The following VWC2L variants were observed in gnomAD, a reference collection of about 807,000 sequenced individuals.
The protein encoded by VWC2L is von Willebrand factor C domain containing 2 like.
A neutral mutation model predicts 21.6 loss-of-function variants in VWC2L; 10 were observed. The ratio of observed to expected loss-of-function variants is 0.46; its 90% confidence interval spans 0.29 to 0.78. The LOEUF is 0.78. Among genes scored for constraint, VWC2L ranks in the 30% least tolerant of loss-of-function variants. The probability of loss-of-function intolerance (pLI) is 0.10; values close to 1 mark genes in which losing one functional copy is unlikely to be tolerated. For synonymous variants in VWC2L, 96 were observed against 94.3 expected (o/e 1.02, Z -0.10); for missense variants, 209 against 277.1 (o/e 0.75, Z 1.74).
At chr2:214,503,109 C>T (rs532189536) in intron 3 of VWC2L, among the ~76,000 whole-genome samples, 2 of 152,298 alleles carry the variant, frequency 1.3e-5, no homozygotes, top group South Asian at 4.1e-4. Flanking sequence ...ACCCAAGAAC[C>T]TGCAAATTAT....
intron 3 of VWC2L, among the ~76,000 whole-genome samples, chr2:214,486,460 G>T (rs976575044): frequency 1.3e-5 from 2 of 152,106 alleles, no homozygotes; most frequent in Non-Finnish European, 2.9e-5. Context: ...TTCTTCATAT[G>T]CCCCAAACAG....
At chr2:214,432,139 C>T (rs1702609850) in intron 2 of VWC2L, among the ~76,000 whole-genome samples, 1 of 152,088 alleles carries the variant, frequency 6.6e-6, no homozygotes, top group Non-Finnish European at 1.5e-5. Context: ...GATGAAGCCG[C>T]CCAGAGATAT....
chr2:214,468,223 G>A (rs1703254466), intron 3 of VWC2L, among the ~76,000 whole-genome samples: 1 of 152,100 alleles, frequency 6.6e-6, no homozygotes, highest in Non-Finnish European at 1.5e-5. Flanking sequence ...CACCATGTTG[G>A]CCAAGCTGGT....
intron 3 of VWC2L, among the ~76,000 whole-genome samples, chr2:214,529,832 G>A (rs778893497): frequency 2.6e-5 from 4 of 152,062 alleles, no homozygotes; most frequent in Non-Finnish European, 5.9e-5. Context: ...TCATCTATGC[G>A]CATCTGTTCA....
chr2:214,509,068 T>G (rs780075847), intron 3 of VWC2L, among the ~76,000 whole-genome samples: 28 of 152,186 alleles, frequency 1.8e-4, no homozygotes, highest in Non-Finnish European at 3.1e-4. Context: ...GATTTCTCAC[T>G]GAATTGCCAG....
At chr2:214,527,020 C>T (rs530123836) in intron 3 of VWC2L, among the ~76,000 whole-genome samples, 26 of 152,010 alleles carry the variant, frequency 1.7e-4, no homozygotes, top group African/African-American at 6.0e-4. Context: ...TAGGTGGTTC[C>T]GTGGTAGAAA....
At chr2:214,431,674 TG>T (rs1702603078) in intron 2 of VWC2L, among the ~76,000 whole-genome samples, 1 of 152,228 alleles carries the variant, frequency 6.6e-6, no homozygotes, top group Non-Finnish European at 1.5e-5. Context: ...TTTTGGGAAA[TG>T]GACATGTTTA....
chr2:214,466,865 A>G (rs1370804273), intron 3 of VWC2L, among the ~76,000 whole-genome samples: 1 of 152,168 alleles, frequency 6.6e-6, no homozygotes, highest in African/African-American at 2.4e-5. Flanking sequence ...GCTTATTCTG[A>G]TATCTGTGTT....
intron 3 of VWC2L, among the ~76,000 whole-genome samples, chr2:214,535,541 T>C (rs918746354): frequency 6.6e-6 from 1 of 152,082 alleles, no homozygotes; most frequent in Non-Finnish European, 1.5e-5. Flanking sequence ...CAAACAGAAT[T>C]AGCAGCCACT....
At chr2:214,552,673 G>C (rs1200677792) in intron 3 of VWC2L, among the ~76,000 whole-genome samples, 1 of 152,130 alleles carries the variant, frequency 6.6e-6, no homozygotes, top group Admixed American at 6.5e-5. Context: ...TTAAATGTTA[G>C]TTCCTTGGGA....
chr2:214,472,844 G>A (rs1009898082), intron 3 of VWC2L, among the ~76,000 whole-genome samples: 6 of 152,198 alleles, frequency 3.9e-5, no homozygotes, highest in African/African-American at 1.4e-4. Flanking sequence ...CATGGGTCCT[G>A]ATGGCAGGCT....
intron 3 of VWC2L, among the ~76,000 whole-genome samples, chr2:214,479,565 G>A (rs376273780): frequency 4.6e-5 from 7 of 152,310 alleles, no homozygotes; most frequent in African/African-American, 1.7e-4. Context: ...AGCAGTTTGG[G>A]AGGCTGAGGC....
intron 3 of VWC2L, among the ~76,000 whole-genome samples, chr2:214,550,737 A>G (rs1689780905): frequency 6.6e-6 from 1 of 152,122 alleles, no homozygotes; most frequent in East Asian, 1.9e-4. Flanking sequence ...GACAATCACA[A>G]TAGCTTTGTA....
intron 3 of VWC2L, among the ~76,000 whole-genome samples, chr2:214,460,410 C>T (rs578201976): frequency 6.6e-6 from 1 of 151,920 alleles, no homozygotes; most frequent in Admixed American, 6.6e-5. Flanking sequence ...TATCTGGTTG[C>T]TTTATAGTAC....
At chr2:214,561,784 T>TTATATATATATATATATATATA (rs67223012) in intron 3 of VWC2L, among the ~76,000 whole-genome samples, 172 of 128,470 alleles carry the variant, frequency 1.3e-3, no homozygotes, top group Middle Eastern at 4.1e-3. Context: ...TCAAAAAAAA[T>TTATATATATATATATATATATA]TATATATATA....
At position 214,512,134 on chromosome 2, in the gene VWC2L, G is replaced by C. The variant is rs990296372; in HGVS notation, c.521-63538G>C. On this transcript the variant is annotated intron_variant, in intron 3 of 3. Coordinates refer to ENST00000312504, the MANE Select transcript of VWC2L (RefSeq NM_001080500.4). ...TTATGGTTTCATAGAGTGCACACAA[G>C]ACTGATTAAAATAAATTTTTCTTTC... 2.6e-5 allele frequency among the ~76,000 whole-genome samples: 4 copies of C among 152,150 alleles called. No individual in the cohort carries two copies. In the East Asian group the frequency reaches 7.7e-4, roughly 29 times the overall value.
At chr2:214,460,613 C>A (rs73072776) in intron 3 of VWC2L, among the ~76,000 whole-genome samples, 1,977 of 152,118 alleles carry the variant, frequency 0.013, 43 homozygotes, top group African/African-American at 0.044. Context: ...TTCCAGGATT[C>A]ATTTGGTTCT....
chr2:214,501,402 G>T (rs1688888270), intron 3 of VWC2L, among the ~76,000 whole-genome samples: 1 of 152,140 alleles, frequency 6.6e-6, no homozygotes, highest in Middle Eastern at 3.4e-3. Flanking sequence ...ACGTGTACCT[G>T]CCCACTCCCA....
chr2:214,564,861 C>T (rs529136059), intron 3 of VWC2L, among the ~76,000 whole-genome samples: 2 of 152,050 alleles, frequency 1.3e-5, no homozygotes, highest in African/African-American at 2.4e-5. Flanking sequence ...CCCCTTTATC[C>T]TACACATCTC....
Sources: gnomAD v4.1 joint callset for allele counts (sites outside exome capture counted in the v4.1 genomes callset) on GRCh38, gnomAD v4.1.1 for gene constraint, MANE v1.5 for transcripts, NCBI Gene and HGNC (gene_info 2026-07-23, HGNC 2026-07-21) for gene names.